MRPL21: variants seen among roughly 807,000 people sequenced by gnomAD.
MRPL21 encodes the protein mitochondrial ribosomal protein L21.
In MRPL21, 20 loss-of-function variants were observed where a neutral mutation model predicts 27.3. That is an observed-to-expected ratio of 0.73 (90% CI 0.52 to 1.06). The LOEUF (loss-of-function observed/expected upper bound fraction) is 1.06. Among genes scored for constraint, MRPL21 ranks in the 50% least tolerant of loss-of-function variants. The probability of loss-of-function intolerance (pLI) is 0.00; values close to 1 mark genes in which losing one functional copy is unlikely to be tolerated. For synonymous variants in MRPL21, 98 were observed against 101.5 expected, an observed-to-expected ratio of 0.97 and a Z score of 0.21; for missense variants, 249 against 251.4, an observed-to-expected ratio of 0.99 and a Z score of 0.06.
At chr11:68,897,870 G>T in intron 3 of MRPL21, 57 bp downstream of exon 3, 1 of 1,352,068 alleles carries the variant, frequency 7.4e-7, no homozygotes, top group South Asian at 1.2e-5. Flanking sequence ...CTCTGTGGCT[G>T]ACTGGAGCAG....
At chr11:68,893,524 G>T in intron 4 of MRPL21, 69 bp from the exon 5 acceptor site, 2 of 1,586,130 alleles carry the variant, frequency 1.3e-6, no homozygotes, top group East Asian at 2.2e-5. Flanking sequence ...GCTAATAACA[G>T]GTAGTGATGT....
chr11:68,896,298 G>T (rs1594405058), intron 4 of MRPL21, among the ~76,000 whole-genome samples: 1 of 152,334 alleles, frequency 6.6e-6, no homozygotes, highest in South Asian at 2.1e-4. Context: ...CAGACCTGCT[G>T]GGCCAGGCAC....
rs530265167 is a variant in MRPL21, at chr11:68,903,673, G to A, written c.88+50C>T. ...GGCACATACGTGGCGAGACCGCAGG[G>A]AGCAGCGCTCGCTCTGCGTCCTCCC... On this transcript the variant is annotated intron_variant, in intron 1 of 6. Coordinates refer to ENST00000362034, the MANE Select transcript of MRPL21 (RefSeq NM_181514.2). 12 of 1,593,232 alleles carry A rather than the reference G, an allele frequency of 7.5e-6. No individual in the cohort carries two copies. The South Asian group carries it at 9.9e-5, about 13-fold the overall frequency.
chr11:68,893,315 TC>T, intron 5 of MRPL21, 87 bp downstream of exon 5: 1 of 1,591,294 alleles, frequency 6.3e-7, no homozygotes, highest in Admixed American at 1.7e-5. Flanking sequence ...TGAATGCAAC[TC>T]CCCACCTGGC....
At chr11:68,901,801 A>G (rs965560828) in intron 1 of MRPL21, among the ~76,000 whole-genome samples, 16 of 151,842 alleles carry the variant, frequency 1.1e-4, no homozygotes, top group African/African-American at 1.7e-4. Context: ...TGCCTTAGCC[A>G]CTCGTGTCTG....
At chr11:68,896,699 G>A (rs1397161604) in intron 3 of MRPL21, 21 bp from the exon 4 acceptor site, 1 of 1,612,292 alleles carries the variant, frequency 6.2e-7, no homozygotes, top group Non-Finnish European at 8.5e-7. Flanking sequence ...AGGCGGGTGG[G>A]TGGGCAGTCA....
intron 4 of MRPL21, 118 bp downstream of exon 4, chr11:68,896,397 G>T: frequency 7.6e-7 from 1 of 1,315,376 alleles, no homozygotes; most frequent in Non-Finnish European, 1.1e-6. Context: ...CCTCAGCTTT[G>T]TTGGCCTCCA....
At chr11:68,891,944 G>T in intron 6 of MRPL21, 1 of 614,152 alleles carries the variant, frequency 1.6e-6, no homozygotes, top group Non-Finnish European at 2.5e-6. Flanking sequence ...TATGGGGGAT[G>T]TCCTCAGTGC....
At chr11:68,894,797 A>T (rs1054669228) in intron 4 of MRPL21, among the ~76,000 whole-genome samples, 5 of 152,236 alleles carry the variant, frequency 3.3e-5, no homozygotes, top group African/African-American at 1.2e-4. Flanking sequence ...TATAAAAAAC[A>T]ATCTGCTTAG....
intron 5 of MRPL21, 172 bp downstream of exon 5, chr11:68,893,231 C>T (rs1857697851): frequency 2.8e-6 from 4 of 1,434,416 alleles, no homozygotes; most frequent in South Asian, 1.5e-5. Context: ...ATAATTTGGT[C>T]TGGATGTTCT....
At chr11:68,902,336 T>C (rs942333758) in intron 1 of MRPL21, among the ~76,000 whole-genome samples, 3 of 152,208 alleles carry the variant, frequency 2.0e-5, no homozygotes, top group African/African-American at 7.2e-5. Flanking sequence ...CTAAGTTTTA[T>C]TATGGAAAAT....
chr11:68,892,897 C>T lies in MRPL21; in HGVS notation c.546G>A (p.Lys182=). 6.2e-7 allele frequency: 1 copy of T among 1,612,164 alleles called. No individual in the cohort carries two copies. Among genetic ancestry groups the T allele is most frequent in the Admixed American group, 1.7e-5 (1 of 59,874 alleles). Residue 182 remains lysine, a synonymous_variant, in exon 6 of 7, where the codon AAG becomes AAA. Transcript: ENST00000362034. The stretch of plus-strand genomic sequence containing the variant: ...GTACTTTCTCTAACTTACTTCTTTT[C>T]TTCTTGAAGTTTTTCCTTTTCCTGA... ...MRFRKRKNFK[K]KRIVTTPQTV...
rs111349437 is a variant in MRPL21 at position 68,892,692 on chromosome 11, C to T, written c.553+198G>A. On this transcript the variant is annotated intron_variant, in intron 6 of 6. Transcript: ENST00000362034. ...GAGCGAGGTGGGGTCACGCGTGGAG[C>T]GTGGAGGAGAAGGGGAGCGAGGCTG... 9.6e-4 allele frequency: 1,321 copies of T among 1,383,182 alleles called. 32 individuals are homozygous for T. In the African/African-American group the frequency reaches 0.02, roughly 21 times the overall value. The allele number at this position is 1,383,182 out of a possible 1,614,324, so 85.7% of individuals were successfully genotyped here. A position where few individuals can be genotyped will look rare whatever the true frequency, so the allele number is the denominator to read the frequency against.
intron 4 of MRPL21, among the ~76,000 whole-genome samples, chr11:68,896,253 A>G (rs913105888): frequency 1.3e-5 from 2 of 152,182 alleles, no homozygotes; most frequent in Admixed American, 1.3e-4. Context: ...TGCCCTCAGC[A>G]CTGTTTTATG....
chr11:68,896,092 C>T (rs1857779883), intron 4 of MRPL21, among the ~76,000 whole-genome samples: 1 of 152,246 alleles, frequency 6.6e-6, no homozygotes. Flanking sequence ...TGACAGAGTA[C>T]TGTCTTAGCA....
intron 4 of MRPL21, 113 bp from the exon 5 acceptor site, chr11:68,893,568 T>G: frequency 1.5e-6 from 2 of 1,354,016 alleles, no homozygotes. Flanking sequence ...ACTGAAAACA[T>G]TGTGACATGA....
chr11:68,897,697 A>G lies in MRPL21; in HGVS notation c.232+230T>C, dbSNP rs1857831635. ...ATGGAGCAGGGGCCCCCTGCCCTCAATTATGCCACCTGCCTGCAGTGTGGC... is the reference window on the plus strand; with the variant it reads ...ATGGAGCAGGGGCCCCCTGCCCTCAGTTATGCCACCTGCCTGCAGTGTGGC... On this transcript the variant is annotated intron_variant, in intron 3 of 6. Coordinates refer to ENST00000362034, the MANE Select transcript of MRPL21 (RefSeq NM_181514.2). 6 of 565,326 alleles carry G rather than the reference A, an allele frequency of 1.1e-5. No homozygotes were observed. In the Admixed American group the frequency reaches 1.2e-4, roughly 12 times the overall value. 35.0% of individuals were successfully genotyped at this position (565,326 alleles called of 1,614,324 possible). A position where few individuals can be genotyped will look rare whatever the true frequency, so the allele number is the denominator to read the frequency against.
intron 1 of MRPL21, among the ~76,000 whole-genome samples, chr11:68,903,486 T>A (rs1471432762): frequency 2.0e-5 from 3 of 152,124 alleles, no homozygotes; most frequent in African/African-American, 7.2e-5. Context: ...CTCACTCTTC[T>A]CCCCCATAAC....
intron 2 of MRPL21, 44 bp downstream of exon 2, chr11:68,900,504 A>C: frequency 1.9e-6 from 3 of 1,555,892 alleles, no homozygotes; most frequent in Non-Finnish European, 2.7e-6. Context: ...ATGGTTCTAC[A>C]AATGAAAGGA....
Sources: gnomAD v4.1 joint callset for allele counts (sites outside exome capture counted in the v4.1 genomes callset) on GRCh38, gnomAD v4.1.1 for gene constraint, MANE v1.5 for transcripts, NCBI Gene and HGNC (gene_info 2026-07-23, HGNC 2026-07-21) for gene names.